RORB: variants seen among roughly 807,000 people sequenced by gnomAD.
The protein encoded by RORB is nuclear receptor ROR-beta.
RORB carries 6 observed loss-of-function variants against 59.1 expected under a neutral mutation model. The observed-to-expected ratio is 0.10, with a 90% confidence interval of 0.06 to 0.20. The LOEUF (loss-of-function observed/expected upper bound fraction) is 0.20, where lower values mean the gene tolerates loss of function less well. Ranked by LOEUF, RORB falls within the 10% of genes least tolerant of loss-of-function variation. The pLI, the probability that RORB is intolerant of heterozygous loss-of-function variation, is 1.00. For synonymous variants in RORB, 215 were observed against 204.5 expected, an observed-to-expected ratio of 1.05 and a Z score of -0.44; for missense variants, 320 against 560.5, an observed-to-expected ratio of 0.57 and a Z score of 4.33.
chr9:74,515,770 T>G (rs1587336101), intron 1 of RORB, among the ~76,000 whole-genome samples: 1 of 152,050 alleles, frequency 6.6e-6, no homozygotes, highest in South Asian at 2.1e-4. Context: ...AAATGACATC[T>G]GTAACCAGTA....
intron 6 of RORB, among the ~76,000 whole-genome samples, chr9:74,663,644 C>T (rs1348391003): frequency 6.6e-6 from 1 of 152,138 alleles, no homozygotes; most frequent in Non-Finnish European, 1.5e-5. Flanking sequence ...GTGGGAGTGA[C>T]CTTATCTCTG....
intron 9 of RORB, among the ~76,000 whole-genome samples, chr9:74,678,263 G>A (rs1824480511): frequency 6.6e-6 from 1 of 152,184 alleles, no homozygotes; most frequent in South Asian, 2.1e-4. Flanking sequence ...ATGTAAGGCA[G>A]CTACTCCTAA....
At chr9:74,678,591 T>C (rs935101820) in intron 9 of RORB, among the ~76,000 whole-genome samples, 1 of 152,222 alleles carries the variant, frequency 6.6e-6, no homozygotes, top group African/African-American at 2.4e-5. Flanking sequence ...TAGTGCATTA[T>C]CATTCAGATT....
intron 1 of RORB, among the ~76,000 whole-genome samples, chr9:74,623,138 A>G (rs991646224): frequency 2.0e-5 from 3 of 152,198 alleles, no homozygotes; most frequent in Non-Finnish European, 4.4e-5. Flanking sequence ...AAGAAGTACC[A>G]TTCAATTTTT....
At chr9:74,651,534 C>CA (rs11288734) in intron 4 of RORB, among the ~76,000 whole-genome samples, 28 of 140,854 alleles carry the variant, frequency 2.0e-4, no homozygotes, top group South Asian at 4.5e-4. Context: ...GACTCTGTCT[C>CA]AAAAAAAAAA....
At chr9:74,606,677 AAGATGAGAAACTCAACTC>A (rs1823154311) in intron 1 of RORB, among the ~76,000 whole-genome samples, 1 of 152,234 alleles carries the variant, frequency 6.6e-6, no homozygotes, top group African/African-American at 2.4e-5. Context: ...TAGAAGACGT[AAGATGAGAAACTCAACTC>A]TTTCACTGGT....
At chr9:74,550,313 T>C (rs1303466321) in intron 1 of RORB, among the ~76,000 whole-genome samples, 1 of 152,164 alleles carries the variant, frequency 6.6e-6, no homozygotes, top group Non-Finnish European at 1.5e-5. Context: ...CTCACTCTTT[T>C]GGGAAAGACA....
At position 74,692,231 on chromosome 9, in the gene RORB, AAC is replaced by A. The variant is rs1458083169; in HGVS notation, c.*6617_*6618del. ...AATCCAAGGTGTCATGAGCTATAGC[AAC>A]ACAGGCAGGAGCAAGTTGTTGAAAC... On this transcript the variant is annotated 3_prime_UTR_variant, in exon 10 of 10. Coordinates refer to ENST00000376896, the MANE Select transcript of RORB (RefSeq NM_006914.4). 6.6e-6 allele frequency: 1 copy of A among 152,238 alleles called. No individual in the cohort carries two copies. The highest frequency in any genetic ancestry group is 1.5e-5 in the Non-Finnish European group (1 of 68,050). The allele number at this position is 152,238 out of a possible 1,614,324, so 9.4% of individuals were successfully genotyped here.
intron 1 of RORB, among the ~76,000 whole-genome samples, chr9:74,520,360 G>A (rs1826068074): frequency 1.3e-5 from 2 of 151,780 alleles, no homozygotes; most frequent in South Asian, 4.1e-4. Context: ...CAGACTGACT[G>A]AAAGAAAAAA....
At chr9:74,581,015 A>G (rs1486170854) in intron 1 of RORB, among the ~76,000 whole-genome samples, 41 of 152,092 alleles carry the variant, frequency 2.7e-4, no homozygotes. Flanking sequence ...ATGCAGTCCA[A>G]TTTCTTCCCT....
intron 2 of RORB, among the ~76,000 whole-genome samples, chr9:74,632,630 G>A (rs1019563360): frequency 2.0e-5 from 3 of 152,092 alleles, no homozygotes; most frequent in South Asian, 2.1e-4. Context: ...GAAACGAGTC[G>A]TAATTAATGT....
At chr9:74,510,061 T>G (rs1825915323) in intron 1 of RORB, among the ~76,000 whole-genome samples, 2 of 152,162 alleles carry the variant, frequency 1.3e-5, no homozygotes, top group Admixed American at 1.3e-4. Flanking sequence ...AGTCTACTGT[T>G]AGTGATTTTT....
intron 5 of RORB, among the ~76,000 whole-genome samples, chr9:74,661,634 TCC>T (rs1778484674): frequency 7.1e-6 from 1 of 140,990 alleles, no homozygotes; most frequent in Admixed American, 7.5e-5. Context: ...AATTCTTTTT[TCC>T]TTTTTTTTTT....
intron 3 of RORB, among the ~76,000 whole-genome samples, chr9:74,639,300 C>T (rs1823754693): frequency 6.6e-6 from 1 of 152,150 alleles, no homozygotes; most frequent in African/African-American, 2.4e-5. Flanking sequence ...TCACATTTGT[C>T]AATATTCCAT....
rs754493255 is a variant in RORB, at chr9:74,642,739, A to T, written c.561A>T (p.Thr187=). 5 of 1,613,966 alleles carry T rather than the reference A, an allele frequency of 3.1e-6. No homozygotes were observed. Among genetic ancestry groups the T allele is most frequent in the Non-Finnish European group, 4.2e-6 (5 of 1,179,986 alleles). ...QIKQEPIYDL[T]SVPNLFTYSS... ...AGCAAGAACCTATCTATGACCTCACATCCGTACCCAACTTGTTTACCTATA... is the reference window on the plus strand; with the variant it reads ...AGCAAGAACCTATCTATGACCTCACTTCCGTACCCAACTTGTTTACCTATA... The change falls in exon 4 of 10, where the codon ACA becomes ACT. Residue 187 remains threonine, a synonymous_variant. Transcript: ENST00000376896.
chr9:74,510,540 A>G (rs948847540), intron 1 of RORB, among the ~76,000 whole-genome samples: 2 of 152,122 alleles, frequency 1.3e-5, no homozygotes, highest in African/African-American at 2.4e-5. Context: ...AAAATTTATA[A>G]TAATCTCTTG....
chr9:74,612,176 C>A (rs1055874120), intron 1 of RORB, among the ~76,000 whole-genome samples: 1 of 152,002 alleles, frequency 6.6e-6, no homozygotes, highest in African/African-American at 2.4e-5. Flanking sequence ...GGGAGTTGAG[C>A]TGGGTCTTCA....
At chr9:74,523,358 CT>C (rs1826110172) in intron 1 of RORB, among the ~76,000 whole-genome samples, 1 of 151,706 alleles carries the variant, frequency 6.6e-6, no homozygotes, top group South Asian at 2.1e-4. Flanking sequence ...CTTCCTCTTC[CT>C]CTCTTCAATC....
chr9:74,657,978 C>T (rs371374309), intron 4 of RORB, among the ~76,000 whole-genome samples: 4 of 125,386 alleles, frequency 3.2e-5, no homozygotes, highest in East Asian at 2.8e-4. Context: ...GCCATCCAGC[C>T]GGGGCAACAC....
Sources: gnomAD v4.1 joint callset for allele counts (sites outside exome capture counted in the v4.1 genomes callset) on GRCh38, gnomAD v4.1.1 for gene constraint, MANE v1.5 for transcripts, NCBI Gene and HGNC (gene_info 2026-07-23, HGNC 2026-07-21) for gene names.